SYNDIG1: variants seen among roughly 807,000 people sequenced by gnomAD.
SYNDIG1 encodes the protein synapse differentiation-inducing gene protein 1.
A neutral mutation model predicts 19.4 loss-of-function variants in SYNDIG1; 9 were observed. The ratio of observed to expected loss-of-function variants is 0.46; its 90% CI spans 0.28 to 0.81. The LOEUF is 0.81. SYNDIG1 is among the 30% of genes least tolerant of loss of function. SYNDIG1 has a pLI of 0.12. For synonymous variants in SYNDIG1, 141 were observed against 145.9 expected (o/e 0.97, Z 0.24); for missense variants, 311 against 343.3 (o/e 0.91, Z 0.74).
chr20:24,609,889 A>G (rs1474997200), intron 3 of SYNDIG1, among the ~76,000 whole-genome samples: 1 of 151,990 alleles, frequency 6.6e-6, no homozygotes, highest in Non-Finnish European at 1.5e-5. Context: ...CTGCACCCCA[A>G]GGCTTCCCCA....
chr20:24,632,991 A>G (rs1294642033), intron 3 of SYNDIG1, among the ~76,000 whole-genome samples: 1 of 150,416 alleles, frequency 6.6e-6, no homozygotes, highest in African/African-American at 2.5e-5. Context: ...AAGTTACCAC[A>G]GGCTTTCATA....
chr20:24,605,821 G>T (rs995111661), intron 3 of SYNDIG1, among the ~76,000 whole-genome samples: 2 of 152,214 alleles, frequency 1.3e-5, no homozygotes, highest in African/African-American at 4.8e-5. Flanking sequence ...AGCCTGTGAC[G>T]TGTGGGACCC....
At chr20:24,549,166 T>A (rs762635081) in intron 2 of SYNDIG1, among the ~76,000 whole-genome samples, 4 of 152,164 alleles carry the variant, frequency 2.6e-5, no homozygotes, top group Non-Finnish European at 5.9e-5. Context: ...TGGAAGTTAT[T>A]CATATCTAGC....
chr20:24,590,113 G>C (rs2058482650), intron 3 of SYNDIG1, among the ~76,000 whole-genome samples: 1 of 152,228 alleles, frequency 6.6e-6, no homozygotes. Flanking sequence ...GGAACTGGGA[G>C]AAACGTTTTT....
intron 2 of SYNDIG1, among the ~76,000 whole-genome samples, chr20:24,572,616 G>A (rs2058162754): frequency 6.6e-6 from 1 of 152,176 alleles, no homozygotes; most frequent in Admixed American, 6.5e-5. Context: ...TTGGGTGGAG[G>A]ACAGGGTTGG....
chr20:24,584,320 G>A (rs116407016), intron 2 of SYNDIG1, among the ~76,000 whole-genome samples: 504 of 152,348 alleles, frequency 3.3e-3, no homozygotes, highest in African/African-American at 0.012. Flanking sequence ...GTCCTCCGTC[G>A]ATCCACATCA....
At chr20:24,508,723 C>G (rs2056667541) in intron 1 of SYNDIG1, among the ~76,000 whole-genome samples, 1 of 152,060 alleles carries the variant, frequency 6.6e-6, no homozygotes, top group African/African-American at 2.4e-5. Flanking sequence ...TAAAACAAGG[C>G]TAGGAGTTGG....
At chr20:24,582,589 C>T (rs1324253426) in intron 2 of SYNDIG1, among the ~76,000 whole-genome samples, 1 of 151,816 alleles carries the variant, frequency 6.6e-6, no homozygotes, top group African/African-American at 2.4e-5. Flanking sequence ...CAGACTCCAG[C>T]ACCTGAGGCT....
At chr20:24,539,700 C>T (rs2057431429) in intron 1 of SYNDIG1, among the ~76,000 whole-genome samples, 1 of 152,136 alleles carries the variant, frequency 6.6e-6, no homozygotes, top group African/African-American at 2.4e-5. Context: ...TTAAGGTTCC[C>T]AGTGCATGAA....
At chr20:24,565,932 T>TTGTGTG (rs369432157) in intron 2 of SYNDIG1, among the ~76,000 whole-genome samples, 7 of 150,668 alleles carry the variant, frequency 4.6e-5, no homozygotes, top group African/African-American at 1.7e-4. Context: ...ATGCCATTAT[T>TTGTGTG]TGTGTGTGTG....
intron 1 of SYNDIG1, among the ~76,000 whole-genome samples, chr20:24,491,018 G>A (rs1416689731): frequency 3.9e-5 from 6 of 152,200 alleles, no homozygotes; most frequent in African/African-American, 9.7e-5. Flanking sequence ...CTCCTCGTGC[G>A]TCTGGTTGCT....
intron 3 of SYNDIG1, among the ~76,000 whole-genome samples, chr20:24,611,773 C>A (rs575209206): frequency 8.5e-5 from 13 of 152,296 alleles, no homozygotes; most frequent in African/African-American, 3.1e-4. Context: ...TCAGTTTTAG[C>A]CCATGGTGCT....
At chr20:24,490,968 G>A (rs1057358935) in intron 1 of SYNDIG1, among the ~76,000 whole-genome samples, 2 of 152,218 alleles carry the variant, frequency 1.3e-5, no homozygotes, top group Non-Finnish European at 2.9e-5. Flanking sequence ...GCAGTACTGA[G>A]CCCACTTAGG....
At chr20:24,524,411 C>T (rs754509840) in intron 1 of SYNDIG1, among the ~76,000 whole-genome samples, 2 of 152,068 alleles carry the variant, frequency 1.3e-5, no homozygotes, top group Non-Finnish European at 2.9e-5. Flanking sequence ...TTTGGGAGGC[C>T]GAGGCGGGTG....
intron 1 of SYNDIG1, among the ~76,000 whole-genome samples, chr20:24,524,637 C>T (rs1165245929): frequency 1.3e-5 from 2 of 150,274 alleles, no homozygotes; most frequent in South Asian, 4.2e-4. Context: ...CAGAGCGAGA[C>T]TCTGTCTCAA....
chr20:24,572,995 G>C (rs1000065719), intron 2 of SYNDIG1, among the ~76,000 whole-genome samples: 3 of 152,106 alleles, frequency 2.0e-5, no homozygotes, highest in Non-Finnish European at 2.9e-5. Context: ...CACTCTACCA[G>C]CCTCCTCCAC....
At position 24,543,140 on chromosome 20, in the gene SYNDIG1, A is replaced by G; in HGVS notation, c.43A>G (p.Lys15Glu). The G allele has an allele frequency of 6.2e-7, 1 of 1,614,176 alleles. No individual in the cohort carries two copies. The highest frequency in any genetic ancestry group is 8.5e-7 in the Non-Finnish European group (1 of 1,180,044). ...ACAGAAGAGCATGCTGGTGCACAGT[A>G]AAATCAGTGATGCTGGCAAGAGGAA... ...IEQKSMLVHS[K>E]ISDAGKRNGL... Residue 15 changes from lysine (K) to glutamate (E), a missense_variant, in exon 2 of 4, where the codon AAA (lysine) becomes GAA (glutamate). Lys to Glu is a moderately conservative substitution (Grantham distance 56, BLOSUM62 1). Transcript: ENST00000376862.
intron 2 of SYNDIG1, among the ~76,000 whole-genome samples, chr20:24,545,118 G>A (rs1335497181): frequency 6.6e-6 from 1 of 152,220 alleles, no homozygotes; most frequent in African/African-American, 2.4e-5. Context: ...ACCCCATTGA[G>A]AACCAGGAGC....
chr20:24,513,416 A>G (rs956684690), intron 1 of SYNDIG1, among the ~76,000 whole-genome samples: 15 of 152,240 alleles, frequency 9.9e-5, no homozygotes, highest in African/African-American at 3.6e-4. Context: ...TAACCAGTGT[A>G]GAGAAGCCCT....
Sources: gnomAD v4.1 joint callset for allele counts (sites outside exome capture counted in the v4.1 genomes callset) on GRCh38, gnomAD v4.1.1 for gene constraint, MANE v1.5 for transcripts, NCBI Gene and HGNC (gene_info 2026-07-23, HGNC 2026-07-21) for gene names.